PCBP3: variants seen among roughly 807,000 people sequenced by gnomAD.
PCBP3 encodes poly(rC)-binding protein 3.
PCBP3 carries 25 observed loss-of-function variants against 52.7 expected under a neutral mutation model. That is an observed-to-expected ratio of 0.47 (90% CI 0.35 to 0.66). The LOEUF is 0.66. Ranked by LOEUF, PCBP3 falls within the 30% of genes least tolerant of loss-of-function variation. The pLI is 0.01. For missense variants in PCBP3, 391 were observed against 490.3 expected (o/e 0.80, Z 1.91); for synonymous variants, 162 against 183.0 (o/e 0.89, Z 0.93).
In PCBP3 at chr21:45,800,862, G is replaced by T. The variant is rs550095165; in HGVS notation, c.-126+45410G>T. Among the ~76,000 whole-genome samples, 19 of 148,602 alleles carry T rather than the reference G, an allele frequency of 1.3e-4. No individual in the cohort carries two copies. The East Asian group carries it at 3.1e-3, about 24-fold the overall frequency. On this transcript the variant is annotated intron_variant, in intron 4 of 17. Transcript: ENST00000681687. This position sits in a 1 kb window ranked among gnomAD's most constrained non-coding sequence, Gnocchi z 5.3. ...TGGGAGATGGGGTGTTTGAGCATGGGGTTCCCGCCTCCTCCTCCAAGTGAC... is the reference window on the plus strand; with the variant it reads ...TGGGAGATGGGGTGTTTGAGCATGGTGTTCCCGCCTCCTCCTCCAAGTGAC...
intron 1 of PCBP3, among the ~76,000 whole-genome samples, chr21:45,662,729 A>G (rs994958268): frequency 2.0e-5 from 3 of 152,146 alleles, no homozygotes; most frequent in East Asian, 1.9e-4. Flanking sequence ...CTGAAGGGAC[A>G]TGATGAGAAG....
chr21:45,695,876 C>T (rs188512861), intron 2 of PCBP3, among the ~76,000 whole-genome samples: 123 of 151,818 alleles, frequency 8.1e-4, no homozygotes, highest in African/African-American at 2.7e-3. Context: ...GTCAGGAGTT[C>T]GAGACCAGCC....
At chr21:45,684,899 T>C (rs1373161288) in intron 2 of PCBP3, among the ~76,000 whole-genome samples, 2 of 152,206 alleles carry the variant, frequency 1.3e-5, no homozygotes, top group Non-Finnish European at 2.9e-5. Context: ...TTTATAGTGA[T>C]TTACATGAGG....
chr21:45,777,770 T>C (rs2090359199), intron 4 of PCBP3, among the ~76,000 whole-genome samples: 1 of 152,008 alleles, frequency 6.6e-6, no homozygotes, highest in Non-Finnish European at 1.5e-5. Context: ...TTTTTTTAAG[T>C]ATTTGTCCCT....
intron 17 of PCBP3, 68 bp from the exon 18 acceptor site, chr21:45,941,602 C>T (rs2077477117): frequency 1.4e-6 from 2 of 1,442,466 alleles, no homozygotes; most frequent in Non-Finnish European, 1.9e-6. Flanking sequence ...AGCCCGGCCT[C>T]ACGTCTGCCC....
intron 2 of PCBP3, among the ~76,000 whole-genome samples, chr21:45,694,505 G>A (rs975747467): frequency 6.6e-6 from 1 of 152,142 alleles, no homozygotes; most frequent in Non-Finnish European, 1.5e-5. Flanking sequence ...AAAAGGGCTA[G>A]TTTAGTGGGA....
intron 4 of PCBP3, among the ~76,000 whole-genome samples, chr21:45,823,522 C>A (rs995644074): frequency 6.6e-6 from 1 of 152,126 alleles, no homozygotes; most frequent in African/African-American, 2.4e-5. Context: ...CGTGTCCGTT[C>A]TTCTGAGAGT....
chr21:45,798,436 G>A (rs563790543), intron 4 of PCBP3, among the ~76,000 whole-genome samples: 32 of 148,472 alleles, frequency 2.2e-4, no homozygotes, highest in African/African-American at 7.8e-4. Flanking sequence ...TGGATCCATA[G>A]AGAGAGTGAA....
intron 5 of PCBP3, among the ~76,000 whole-genome samples, chr21:45,858,026 A>C (rs2094369715): frequency 6.6e-6 from 1 of 151,832 alleles, no homozygotes; most frequent in African/African-American, 2.4e-5. Flanking sequence ...TGCTCCTCAG[A>C]CCCACCCTGC....
At chr21:45,849,060 A>C (rs2148166676) in intron 4 of PCBP3, among the ~76,000 whole-genome samples, 1 of 152,352 alleles carries the variant, frequency 6.6e-6, no homozygotes, top group South Asian at 2.1e-4. Context: ...CTTTTTAGAA[A>C]AAAACTGAAT....
At chr21:45,823,804 T>C (rs2093223321) in intron 4 of PCBP3, among the ~76,000 whole-genome samples, 1 of 152,058 alleles carries the variant, frequency 6.6e-6, no homozygotes, top group South Asian at 2.1e-4. Flanking sequence ...TGCAATAGCA[T>C]GATCTCGACT....
chr21:45,918,064 A>C, intron 13 of PCBP3: 3 of 260,408 alleles, frequency 1.2e-5, no homozygotes, highest in Non-Finnish European at 7.5e-6. Context: ...GGTGAAATTA[A>C]CTCCCCCTTT....
In PCBP3 at chr21:45,830,810, G is replaced by A. The variant is rs1489141836; in HGVS notation, c.-125-19151G>A. ...ACGAACATTTATAAGCCAGTATTAT[G>A]ATGCCGAAAATGTTTCATGATGAGG... On this transcript the variant is annotated intron_variant, in intron 4 of 17. Transcript: ENST00000681687. The surrounding 1 kb of genome is among the most constrained non-coding windows in gnomAD (Gnocchi z 4.4). The A allele has an allele frequency of 6.6e-6, 1 of 152,252 alleles. No individual in the cohort carries two copies. Among genetic ancestry groups the A allele is most frequent in the Non-Finnish European group, 1.5e-5 (1 of 68,036 alleles). The allele number at this position is 152,252 out of a possible 1,614,324, so 9.4% of individuals were successfully genotyped here. A position where few individuals can be genotyped will look rare whatever the true frequency, so the allele number is the denominator to read the frequency against.
At chr21:45,709,145 G>A (rs1267451210) in intron 2 of PCBP3, among the ~76,000 whole-genome samples, 1 of 152,236 alleles carries the variant, frequency 6.6e-6, no homozygotes, top group African/African-American at 2.4e-5. Flanking sequence ...GAAGTGCCTG[G>A]CATGCTGTAA....
At chr21:45,750,272 A>G (rs1275623375) in intron 3 of PCBP3, 1 of 152,202 alleles carries the variant, frequency 6.6e-6, no homozygotes, top group Non-Finnish European at 1.5e-5. Context: ...GAAATCCTGC[A>G]TCTTGTGACG....
intron 4 of PCBP3, among the ~76,000 whole-genome samples, chr21:45,815,462 AGTGAGTGATGAGTGATGGGTGAGTG>A (rs2092887537): frequency 1.2e-5 from 1 of 85,752 alleles, no homozygotes; most frequent in Non-Finnish European, 2.3e-5. Context: ...GTGAGTGGTG[AGTGAGTGATGAGTGATGGGTGAGTG>A]GTGAGTGATG....
rs116772655 is a variant in PCBP3 at position 45,874,341 on chromosome 21, C to A, written c.11-21867C>A. ...TTAACATTTTAAATTATGGAGAGTT[C>A]GAGTCAATGAAAAATATGTTTTCTA... is the stretch of plus-strand genomic sequence containing the variant. On this transcript the variant is annotated intron_variant, in intron 5 of 17. Transcript: ENST00000681687. Among the ~76,000 whole-genome samples the A allele has an allele frequency of 2.9e-3, 445 of 152,188 alleles. 3 individuals carry two copies. Among genetic ancestry groups the A allele is most frequent in the African/African-American group, 0.01 (431 of 41,514 alleles).
At chr21:45,798,986 A>G (rs1002022713) in intron 4 of PCBP3, among the ~76,000 whole-genome samples, 2 of 151,666 alleles carry the variant, frequency 1.3e-5, no homozygotes, top group Non-Finnish European at 2.9e-5. Context: ...GCGTACATGG[A>G]TGAATGCATG....
At chr21:45,810,988 C>T (rs758127911) in intron 4 of PCBP3, among the ~76,000 whole-genome samples, 3 of 152,184 alleles carry the variant, frequency 2.0e-5, no homozygotes, top group South Asian at 2.1e-4. Context: ...TAATATCTAC[C>T]GGATCAGTAC....
Sources: gnomAD v4.1 joint callset for allele counts (sites outside exome capture counted in the v4.1 genomes callset) on GRCh38, gnomAD v4.1.1 for gene constraint, Gnocchi (gnomAD v3.1) non-coding constraint, MANE v1.5 for transcripts, NCBI Gene and HGNC (gene_info 2026-07-23, HGNC 2026-07-21) for gene names.